The following HERC4 variants were observed in gnomAD, a reference collection of about 807,000 sequenced individuals.
The protein encoded by HERC4 is HECT and RLD domain containing E3 ubiquitin protein ligase 4.
In HERC4, 28 loss-of-function variants were observed where a neutral mutation model predicts 124.3. The observed-to-expected ratio is 0.23, with a 90% CI of 0.17 to 0.31. The LOEUF (loss-of-function observed/expected upper bound fraction) is 0.31, where lower values mean the gene tolerates loss of function less well. Among genes scored for constraint, HERC4 ranks in the 10% least tolerant of loss-of-function variants. HERC4 has a pLI of 1.00. For missense variants in HERC4, 713 were observed against 1,229.3 expected, an observed-to-expected ratio of 0.58 and a Z score of 6.28; for synonymous variants, 407 against 421.5, an observed-to-expected ratio of 0.97 and a Z score of 0.42.
chr10:68,038,016 C>A (rs1377574573), intron 5 of HERC4, 77 bp downstream of exon 5: 24 of 780,684 alleles, frequency 3.1e-5, no homozygotes, highest in Non-Finnish European at 5.0e-5. Context: ...ATGAGCAAAG[C>A]TGGAGAACTA....
chr10:68,023,536 T>C (rs1169278117), intron 8 of HERC4, among the ~76,000 whole-genome samples: 1 of 152,154 alleles, frequency 6.6e-6, no homozygotes, highest in Admixed American at 6.5e-5. Flanking sequence ...GAATGGTGGT[T>C]GCCACAAGAG....
At chr10:67,926,906 A>T (rs899876402) in intron 23 of HERC4, among the ~76,000 whole-genome samples, 13 of 152,186 alleles carry the variant, frequency 8.5e-5, no homozygotes, top group African/African-American at 3.1e-4. Flanking sequence ...TAGGGCAAAG[A>T]CCATGTCTCT....
At chr10:68,054,338 A>G (rs2040451003) in intron 3 of HERC4, among the ~76,000 whole-genome samples, 1 of 151,808 alleles carries the variant, frequency 6.6e-6, no homozygotes, top group Non-Finnish European at 1.5e-5. Flanking sequence ...TGTGCAGTTG[A>G]AGTATTTAAT....
chr10:68,061,477 G>T (rs953829429), intron 3 of HERC4, among the ~76,000 whole-genome samples: 2 of 138,850 alleles, frequency 1.4e-5, no homozygotes, highest in Admixed American at 8.1e-5. Context: ...AGCTTGCAGT[G>T]AGCCGCAATC....
At chr10:67,970,499 C>A (rs374786475) in intron 15 of HERC4, among the ~76,000 whole-genome samples, 1 of 151,466 alleles carries the variant, frequency 6.6e-6, no homozygotes, top group Non-Finnish European at 1.5e-5. Flanking sequence ...GGCTAAAGCA[C>A]GAGAATTGCT....
At chr10:67,933,140 T>C (rs2132048003) in intron 22 of HERC4, among the ~76,000 whole-genome samples, 1 of 152,306 alleles carries the variant, frequency 6.6e-6, no homozygotes, top group Middle Eastern at 3.4e-3. Context: ...CTAAAAGGAA[T>C]GTCTGTTACA....
At chr10:68,056,087 T>G (rs1325359699) in intron 3 of HERC4, among the ~76,000 whole-genome samples, 2 of 152,104 alleles carry the variant, frequency 1.3e-5, no homozygotes, top group Admixed American at 6.6e-5. Flanking sequence ...GTCTATGAAC[T>G]GCTAAAATTA....
intron 7 of HERC4, among the ~76,000 whole-genome samples, chr10:68,027,301 C>T (rs184589064): frequency 3.3e-5 from 5 of 152,298 alleles, no homozygotes; most frequent in East Asian, 1.9e-4. Flanking sequence ...ATAACCATCA[C>T]TCAGTTTCAA....
chr10:67,943,890 C>A (rs76408389), intron 19 of HERC4, among the ~76,000 whole-genome samples: 12,874 of 152,220 alleles, frequency 0.085, 1,010 homozygotes, highest in East Asian at 0.4. Flanking sequence ...AGAGTGGGAA[C>A]AATTTTGCCT....
chr10:68,046,174 A>G (rs2040004794), intron 3 of HERC4, among the ~76,000 whole-genome samples: 1 of 152,128 alleles, frequency 6.6e-6, no homozygotes, highest in African/African-American at 2.4e-5. Context: ...TCATTTGTTT[A>G]TATCAAAACA....
At chr10:68,017,086 GT>G (rs1314078022) in intron 8 of HERC4, among the ~76,000 whole-genome samples, 1 of 152,052 alleles carries the variant, frequency 6.6e-6, no homozygotes, top group Non-Finnish European at 1.5e-5. Flanking sequence ...TGGCCATATA[GT>G]TTGCTTTTGG....
chr10:67,933,928 A>G (rs2032085572), intron 22 of HERC4, among the ~76,000 whole-genome samples: 2 of 152,320 alleles, frequency 1.3e-5, no homozygotes, highest in South Asian at 4.1e-4. Flanking sequence ...AATTAGGATT[A>G]TAATCCTTTG....
chr10:67,957,474 A>G (rs2034216161), intron 16 of HERC4, among the ~76,000 whole-genome samples: 1 of 152,198 alleles, frequency 6.6e-6, no homozygotes, highest in Non-Finnish European at 1.5e-5. Flanking sequence ...AAGTACCATT[A>G]GTATTACTAT....
intron 15 of HERC4, among the ~76,000 whole-genome samples, chr10:67,986,081 T>A (rs1348080921): frequency 6.6e-6 from 1 of 152,226 alleles, no homozygotes; most frequent in African/African-American, 2.4e-5. Flanking sequence ...AGTTCATATC[T>A]ACAGATACCT....
chr10:68,059,782 ATAT>A lies in HERC4; in HGVS notation c.226+13098_226+13100del, dbSNP rs1169901217. On this transcript the variant is annotated intron_variant, in intron 3 of 24. Coordinates refer to ENST00000373700, the MANE Select transcript of HERC4 (RefSeq NM_015601.4). Reference sequence around the variant, plus strand: ...ATATATCATAATATTATATATTATAATATTATATATCATAATATTATATATTAT... The same window carrying A: ...ATATATCATAATATTATATATTATAATATATATCATAATATTATATATTAT... Among the ~76,000 whole-genome samples, 9 of 73,110 alleles carry A rather than the reference ATAT, an allele frequency of 1.2e-4. 3 individuals carry two copies. The South Asian group carries it at 1.4e-3, about 11-fold the overall frequency. The allele number at this position is 73,110 out of a possible 152,430, so 48.0% of individuals were successfully genotyped here. A position where few individuals can be genotyped will look rare whatever the true frequency, so the allele number is the denominator to read the frequency against.
chr10:67,995,010 T>C, intron 9 of HERC4: 1 of 260,612 alleles, frequency 3.8e-6, no homozygotes, highest in Non-Finnish European at 7.5e-6. Context: ...TTTTAATCAC[T>C]ACTCGAAAAA....
intron 22 of HERC4, among the ~76,000 whole-genome samples, chr10:67,933,609 G>GT (rs569006237): frequency 2.6e-5 from 4 of 151,524 alleles, no homozygotes; most frequent in Non-Finnish European, 4.4e-5. Context: ...TCAGAACCAA[G>GT]TTTTTTTTTA....
At chr10:67,926,273 T>C (rs2030930244) in intron 23 of HERC4, among the ~76,000 whole-genome samples, 1 of 152,092 alleles carries the variant, frequency 6.6e-6, no homozygotes, top group South Asian at 2.1e-4. Flanking sequence ...CAGGCGCCTG[T>C]AATCCCGGCT....
At position 67,986,831 on chromosome 10, in the gene HERC4, C is replaced by T. The variant is rs945045600; in HGVS notation, c.1806+1832G>A. On this transcript the variant is annotated intron_variant, in intron 15 of 24. Coordinates refer to ENST00000373700, the MANE Select transcript of HERC4 (RefSeq NM_015601.4). ...AATATGATCTTTTTGATTCCTAGTC[C>T]AGCGCCTATAATATAATACTATATG... Among the ~76,000 whole-genome samples, 18 of 151,982 alleles carry T rather than the reference C, an allele frequency of 1.2e-4. 1 individual carries two copies. Among genetic ancestry groups the T allele is most frequent in the Non-Finnish European group, 7.4e-5 (5 of 68,010 alleles).
Sources: gnomAD v4.1 joint callset for allele counts (sites outside exome capture counted in the v4.1 genomes callset) on GRCh38, gnomAD v4.1.1 for gene constraint, MANE v1.5 for transcripts, NCBI Gene and HGNC (gene_info 2026-07-23, HGNC 2026-07-21) for gene names.